Variants in C12orf42 observed in about 807,000 individuals in gnomAD.
The protein encoded by C12orf42 is uncharacterized protein C12orf42.
Under a neutral mutation model 21.6 loss-of-function variants are expected in C12orf42, and 25 were observed. The observed-to-expected ratio is 1.16, with a 90% CI of 0.84 to 1.62. C12orf42 has a LOEUF of 1.62. Ranked by LOEUF, C12orf42 falls within the 40% of genes most tolerant of loss-of-function variation. C12orf42 has a pLI of 0.00. For synonymous variants in C12orf42, 174 were observed against 175.0 expected (o/e 0.99, Z 0.05); for missense variants, 483 against 459.3 (o/e 1.05, Z -0.47).
chr12:103,183,430 A>G, the C12orf42 span, among the ~76,000 whole-genome samples: 1 of 152,186 alleles, frequency 6.6e-6, no homozygotes, highest in South Asian at 2.1e-4. Context: ...TTTCTATTTT[A>G]TTGCTGAGAC....
chr12:103,376,200 T>C (rs868814287), intron 3 of C12orf42, among the ~76,000 whole-genome samples: 1 of 152,148 alleles, frequency 6.6e-6, no homozygotes, highest in African/African-American at 2.4e-5. Context: ...ATGTGGCACA[T>C]ATATACTACG....
chr12:103,383,945 A>C (rs1228773434), intron 3 of C12orf42, among the ~76,000 whole-genome samples: 6 of 152,230 alleles, frequency 3.9e-5, no homozygotes, highest in African/African-American at 1.4e-4. Context: ...ATCATGGACA[A>C]GGAAAATCAC....
the C12orf42 span, among the ~76,000 whole-genome samples, chr12:103,071,573 TG>T: frequency 1.3e-5 from 2 of 152,102 alleles, no homozygotes; most frequent in African/African-American, 2.4e-5. Flanking sequence ...AATTGAATCA[TG>T]GGGGCGGTTT....
At position 103,434,635 on chromosome 12, in the gene C12orf42, G is replaced by C. The variant is rs1157281518; in HGVS notation, c.79-32960C>G. Among the ~76,000 whole-genome samples, 4 of 152,150 alleles carry C rather than the reference G, an allele frequency of 2.6e-5. No individual in the cohort carries two copies. The East Asian group carries it at 5.8e-4, about 22-fold the overall frequency. ...TTCCCTTTCCGAGTCAAAGAAAGGG[G>C]TGACTGACGCACCTGGAAAATCGGG... On this transcript the variant is annotated intron_variant, in intron 2 of 5. Coordinates refer to ENST00000548883, the MANE Select transcript of C12orf42 (RefSeq NM_198521.5).
chr12:103,214,545 G>A, the C12orf42 span, among the ~76,000 whole-genome samples: 10 of 151,808 alleles, frequency 6.6e-5, no homozygotes, highest in Non-Finnish European at 1.0e-4. Flanking sequence ...TTCAAAAGAC[G>A]GGCCAACAAG....
At chr12:103,211,508 C>T in the C12orf42 span, among the ~76,000 whole-genome samples, 27 of 152,278 alleles carry the variant, frequency 1.8e-4, 1 homozygote, top group South Asian at 5.4e-3. Context: ...TGAGAGAAGC[C>T]AGCTGCCAGG....
At chr12:103,051,927 C>T in the C12orf42 span, among the ~76,000 whole-genome samples, 1 of 152,200 alleles carries the variant, frequency 6.6e-6, no homozygotes, top group African/African-American at 2.4e-5. Flanking sequence ...CTAATTTTGC[C>T]TATTTCTAAA....
intron 2 of C12orf42, among the ~76,000 whole-genome samples, chr12:103,434,596 A>G (rs1950522812): frequency 6.6e-6 from 1 of 152,194 alleles, no homozygotes; most frequent in African/African-American, 2.4e-5. Context: ...TGGGAAGCAC[A>G]AGGGGTCAGG....
At chr12:103,134,720 C>T in the C12orf42 span, among the ~76,000 whole-genome samples, 1 of 152,056 alleles carries the variant, frequency 6.6e-6, no homozygotes, top group Non-Finnish European at 1.5e-5. Flanking sequence ...GAAGACTTCC[C>T]AAGTCTAGAA....
intron 2 of C12orf42, among the ~76,000 whole-genome samples, chr12:103,449,810 A>AG (rs1951824705): frequency 6.6e-6 from 1 of 150,562 alleles, no homozygotes; most frequent in Non-Finnish European, 1.5e-5. Context: ...CATTTGAAAA[A>AG]AAAAAAAAAG....
the C12orf42 span, among the ~76,000 whole-genome samples, chr12:103,541,564 C>T: frequency 3.9e-5 from 6 of 152,134 alleles, no homozygotes; most frequent in Admixed American, 6.5e-5. Context: ...ATATACAGTA[C>T]ATAATACTTG....
chr12:103,561,025 T>C, the C12orf42 span, among the ~76,000 whole-genome samples: 2 of 152,218 alleles, frequency 1.3e-5, no homozygotes, highest in Non-Finnish European at 2.9e-5. Flanking sequence ...CTCATTTTCA[T>C]TGAGACTTTT....
At chr12:103,536,602 CCAA>C in the C12orf42 span, among the ~76,000 whole-genome samples, 1 of 152,122 alleles carries the variant, frequency 6.6e-6, no homozygotes, top group Non-Finnish European at 1.5e-5. Flanking sequence ...CATCACATGT[CCAA>C]CAACTGGGAT....
rs186482398 is a variant in C12orf42 at position 103,326,892 on chromosome 12, C to T, written c.260-20547G>A. On this transcript the variant is annotated intron_variant, in intron 4 of 5. Transcript: ENST00000548883. ...TGTCTGGCTACTGCACTAGAATGTA[C>T]GCTCCATAAGGCAAGGTCTTTGGCA... is the stretch of plus-strand genomic sequence containing the variant. Among the ~76,000 whole-genome samples the T allele has an allele frequency of 3.3e-5, 5 of 152,296 alleles. No homozygotes were observed. In the East Asian group the frequency reaches 5.8e-4, roughly 18 times the overall value.
the C12orf42 span, among the ~76,000 whole-genome samples, chr12:103,538,739 C>G: frequency 6.6e-6 from 1 of 152,208 alleles, no homozygotes; most frequent in Non-Finnish European, 1.5e-5. Context: ...CCCTCCCACA[C>G]CCAACCCTTC....
the C12orf42 span, among the ~76,000 whole-genome samples, chr12:103,115,655 G>A: frequency 6.6e-6 from 1 of 152,204 alleles, no homozygotes; most frequent in Non-Finnish European, 1.5e-5. Context: ...ATTTAGTGCA[G>A]TAGTTGACAC....
intron 4 of C12orf42, among the ~76,000 whole-genome samples, chr12:103,316,195 T>C (rs745674597): frequency 4.7e-5 from 7 of 147,608 alleles, no homozygotes; most frequent in African/African-American, 1.8e-4. Flanking sequence ...ATAGTATATA[T>C]ACACACACAC....
At chr12:103,356,192 C>T (rs972433377) in intron 4 of C12orf42, among the ~76,000 whole-genome samples, 7 of 152,080 alleles carry the variant, frequency 4.6e-5, no homozygotes, top group Admixed American at 1.3e-4. Context: ...TATGCCTCCT[C>T]CCTTCTCTTG....
At chr12:103,147,400 A>G in the C12orf42 span, among the ~76,000 whole-genome samples, 19 of 152,216 alleles carry the variant, frequency 1.2e-4, 1 homozygote, top group South Asian at 3.7e-3. Context: ...ATGTCAAATT[A>G]AAGTTTGGCC....
Sources: gnomAD v4.1 joint callset for allele counts (sites outside exome capture counted in the v4.1 genomes callset) on GRCh38, gnomAD v4.1.1 for gene constraint, MANE v1.5 for transcripts, NCBI Gene and HGNC (gene_info 2026-07-23, HGNC 2026-07-21) for gene names.